GRK5: variants seen among roughly 807,000 people sequenced by gnomAD.
GRK5 encodes g protein-coupled receptor kinase GRK5.
GRK5 carries 40 observed loss-of-function variants against 78.4 expected under a neutral mutation model. That is an observed-to-expected ratio of 0.51 (90% CI 0.40 to 0.66). The LOEUF (loss-of-function observed/expected upper bound fraction) is 0.66, where lower values mean the gene tolerates loss of function less well. Among genes scored for constraint, GRK5 ranks in the 30% least tolerant of loss-of-function variants. The pLI is 0.00. For missense variants in GRK5, 598 were observed against 759.9 expected (o/e 0.79, Z 2.50); for synonymous variants, 289 against 296.8 (o/e 0.97, Z 0.27).
chr10:119,436,748 G>T lies in GRK5; in HGVS notation c.836G>T (p.Gly279Val). 2 of 1,614,194 alleles carry T rather than the reference G, an allele frequency of 1.2e-6. No individual in the cohort carries two copies. Among genetic ancestry groups the T allele is most frequent in the Non-Finnish European group, 1.7e-6 (2 of 1,180,024 alleles). Residue 279 changes from glycine (G) to valine (V), a missense_variant, in exon 9 of 16, where the codon GGC (glycine) becomes GTC (valine). Transcript: ENST00000392870. ...GDLKFHIYNM[G>V]NPGFEEERAL... ...CTGAAGTTCCACATCTACAACATGGGCAACCCTGGCTTCGAGGAGGAGCGG... is the reference window on the plus strand; with the variant it reads ...CTGAAGTTCCACATCTACAACATGGTCAACCCTGGCTTCGAGGAGGAGCGG...
intron 1 of GRK5, among the ~76,000 whole-genome samples, chr10:119,291,020 G>C (rs76438548): frequency 6.6e-6 from 1 of 152,144 alleles, no homozygotes; most frequent in Non-Finnish European, 1.5e-5. Context: ...AGATTGTTCT[G>C]TAGTGGTGGC....
chr10:119,207,610 G>A lies in GRK5; in HGVS notation c.-308G>A, dbSNP rs1262043129. The A allele has an allele frequency of 6.3e-6, 2 of 319,620 alleles. No homozygotes were observed. Among genetic ancestry groups the A allele is most frequent in the Non-Finnish European group, 1.2e-5 (2 of 171,288 alleles). 19.8% of individuals were successfully genotyped at this position (319,620 alleles called of 1,614,324 possible). A position where few individuals can be genotyped will look rare whatever the true frequency, so the allele number is the denominator to read the frequency against. ...CATTAAAGCATCCGAGGGAGCCGGA[G>A]GGGAGGAGAATGGAGTGACAGAGAC... On this transcript the variant is annotated 5_prime_UTR_variant, in exon 1 of 16. Transcript: ENST00000392870.
At chr10:119,272,894 A>G (rs896675397) in intron 1 of GRK5, among the ~76,000 whole-genome samples, 2 of 152,082 alleles carry the variant, frequency 1.3e-5, no homozygotes, top group East Asian at 1.9e-4. Flanking sequence ...CCCGTTGTGG[A>G]GGGGACTCCG....
At chr10:119,368,997 T>G (rs993576937) in intron 2 of GRK5, among the ~76,000 whole-genome samples, 4 of 152,184 alleles carry the variant, frequency 2.6e-5, no homozygotes, top group African/African-American at 9.7e-5. Flanking sequence ...GTGATCTGTT[T>G]GTTGGTTTGT....
At chr10:119,339,458 C>T (rs1250648019) in intron 2 of GRK5, among the ~76,000 whole-genome samples, 3 of 152,220 alleles carry the variant, frequency 2.0e-5, no homozygotes, top group Admixed American at 1.3e-4. Flanking sequence ...TCCTGTCTCC[C>T]CTCCACGTCT....
intron 1 of GRK5, among the ~76,000 whole-genome samples, chr10:119,241,927 A>G (rs992122261): frequency 2.6e-5 from 4 of 152,150 alleles, no homozygotes; most frequent in Non-Finnish European, 4.4e-5. Context: ...TAAAAAAGAA[A>G]AGGAGTTTTG....
At chr10:119,261,061 G>A (rs1469857431) in intron 1 of GRK5, among the ~76,000 whole-genome samples, 13 of 52,772 alleles carry the variant, frequency 2.5e-4, no homozygotes, top group South Asian at 8.8e-4. Context: ...CCTCCCGGAC[G>A]GGGCGGCTGG....
chr10:119,390,375 C>A (rs1381357531), intron 3 of GRK5, among the ~76,000 whole-genome samples: 3 of 152,162 alleles, frequency 2.0e-5, no homozygotes, highest in Non-Finnish European at 4.4e-5. Flanking sequence ...GCGTGTGCAG[C>A]AGAACTGCCC....
At chr10:119,219,360 C>T (rs1224037151) in intron 1 of GRK5, among the ~76,000 whole-genome samples, 1 of 152,148 alleles carries the variant, frequency 6.6e-6, no homozygotes, top group African/African-American at 2.4e-5. Flanking sequence ...ACTACAGGTG[C>T]GTGCCACCAC....
intron 11 of GRK5, 43 bp from the exon 12 acceptor site, chr10:119,443,501 G>C (rs763071571): frequency 6.5e-7 from 1 of 1,549,418 alleles, no homozygotes; most frequent in Non-Finnish European, 8.8e-7. Flanking sequence ...GCCACCAGCT[G>C]TCTCCCTCCT....
rs771523222 is a variant in GRK5, at chr10:119,264,485, C to T, written c.52+56516C>T. ...CTCCTACTACCGCTCATCCTTCTCCCCATGACGATAAAGATGGCCAGTGGC... is the reference window on the plus strand; with the variant it reads ...CTCCTACTACCGCTCATCCTTCTCCTCATGACGATAAAGATGGCCAGTGGC... On this transcript the variant is annotated intron_variant, in intron 1 of 15. Transcript: ENST00000392870. This position sits in a 1 kb window ranked among gnomAD's most constrained non-coding sequence, Gnocchi z 4.1. Among the ~76,000 whole-genome samples the T allele has an allele frequency of 2.0e-5, 3 of 152,164 alleles. No individual in the cohort carries two copies. The highest frequency in any genetic ancestry group is 4.4e-5 in the Non-Finnish European group (3 of 68,034).
At chr10:119,395,190 C>T (rs1181570042) in intron 3 of GRK5, among the ~76,000 whole-genome samples, 6 of 152,210 alleles carry the variant, frequency 3.9e-5, no homozygotes, top group Admixed American at 2.6e-4. Flanking sequence ...AACCACTGCC[C>T]TATCTCCCTG....
intron 1 of GRK5, among the ~76,000 whole-genome samples, chr10:119,272,750 T>C (rs2133676785): frequency 6.6e-6 from 1 of 152,194 alleles, no homozygotes; most frequent in African/African-American, 2.4e-5. Context: ...GAGCTGAGCA[T>C]TGGAAATACC....
At chr10:119,295,778 A>G (rs1426487051) in intron 1 of GRK5, among the ~76,000 whole-genome samples, 1 of 151,778 alleles carries the variant, frequency 6.6e-6, no homozygotes, top group Non-Finnish European at 1.5e-5. Context: ...CATAAGAATG[A>G]TACGATGGAC....
At chr10:119,268,703 G>T (rs533921562) in intron 1 of GRK5, among the ~76,000 whole-genome samples, 1 of 152,226 alleles carries the variant, frequency 6.6e-6, no homozygotes, top group South Asian at 2.1e-4. Flanking sequence ...GGCAGTTGTC[G>T]TCACTGTCCC....
chr10:119,411,553 A>G (rs1188849470), intron 4 of GRK5, among the ~76,000 whole-genome samples: 3 of 152,214 alleles, frequency 2.0e-5, no homozygotes, highest in African/African-American at 7.2e-5. Flanking sequence ...AGCTTAAATA[A>G]CTTGCTGAGC....
intron 12 of GRK5, among the ~76,000 whole-genome samples, chr10:119,444,626 C>T (rs1229211694): frequency 6.6e-6 from 1 of 152,176 alleles, no homozygotes; most frequent in African/African-American, 2.4e-5. Flanking sequence ...CCTCTAATGC[C>T]AGCCTCATAG....
At chr10:119,276,035 A>T (rs989738214) in intron 1 of GRK5, among the ~76,000 whole-genome samples, 2 of 152,316 alleles carry the variant, frequency 1.3e-5, no homozygotes, top group African/African-American at 4.8e-5. Context: ...TTGCCAGATT[A>T]AAGTTTCATA....
chr10:119,239,688 C>G (rs1363467580), intron 1 of GRK5, among the ~76,000 whole-genome samples: 2 of 152,196 alleles, frequency 1.3e-5, no homozygotes, highest in East Asian at 1.9e-4. Context: ...CCTAGCCCCC[C>G]ACCCCCTAAT....
Sources: allele counts gnomAD v4.1 joint callset (sites outside exome capture counted in the v4.1 genomes callset), GRCh38; gene constraint gnomAD v4.1.1; non-coding constraint Gnocchi (gnomAD v3.1); transcripts MANE v1.5; gene names NCBI Gene and HGNC (gene_info 2026-07-23, HGNC 2026-07-21).